Variants in IP6K1 observed in about 807,000 individuals in gnomAD.
The protein encoded by IP6K1 is inositol hexakisphosphate kinase 1.
A neutral mutation model predicts 38.3 loss-of-function variants in IP6K1; 13 were observed. The ratio of observed to expected loss-of-function variants is 0.34; its 90% CI spans 0.22 to 0.54. The LOEUF (loss-of-function observed/expected upper bound fraction) is 0.54, where lower values mean the gene tolerates loss of function less well. IP6K1 is among the 20% of genes least tolerant of loss of function. IP6K1 has a pLI of 0.92. For synonymous variants in IP6K1, 212 were observed against 229.9 expected (o/e 0.92, Z 0.70); for missense variants, 397 against 599.8 (o/e 0.66, Z 3.53).
intron 1 of IP6K1, among the ~76,000 whole-genome samples, chr3:49,778,282 G>A (rs868082977): frequency 1.1e-4 from 16 of 149,620 alleles, no homozygotes; most frequent in South Asian, 2.1e-4. Flanking sequence ...CTGAGATCGC[G>A]CCACTGCACT....
rs962894457 is a variant in IP6K1, at chr3:49,726,235, C to T, written c.*887G>A. 6.5e-6 allele frequency: 1 copy of T among 152,898 alleles called. No homozygotes were observed. The highest frequency in any genetic ancestry group is 2.4e-5 in the African/African-American group (1 of 41,482). 9.5% of individuals were successfully genotyped at this position (152,898 alleles called of 1,614,324 possible). ...AATGAGACCCTGAGCGGACCACAGCCCTTGAGCCCTGGGAGGAGCAGCCCA... is the reference window on the plus strand; with the variant it reads ...AATGAGACCCTGAGCGGACCACAGCTCTTGAGCCCTGGGAGGAGCAGCCCA... On this transcript the variant is annotated 3_prime_UTR_variant, in exon 6 of 6. Coordinates refer to ENST00000321599, the MANE Select transcript of IP6K1 (RefSeq NM_153273.4).
chr3:49,753,287 T>G (rs2108242500), intron 1 of IP6K1, among the ~76,000 whole-genome samples: 1 of 152,140 alleles, frequency 6.6e-6, no homozygotes, highest in South Asian at 2.1e-4. Flanking sequence ...TAAACATTCT[T>G]CCCCCAGATA....
chr3:49,773,590 G>A (rs2080978436), intron 1 of IP6K1, among the ~76,000 whole-genome samples: 2 of 152,200 alleles, frequency 1.3e-5, no homozygotes, highest in Non-Finnish European at 2.9e-5. Flanking sequence ...CTGCACTCCA[G>A]CCTGGGCAAC....
rs1491091186 is a variant in IP6K1, at chr3:49,752,524, CAT to C, written c.-128-4358_-128-4357del. ...AACCCAAGGAACCATTTCACTTTTG[CAT>C]GTGTGTGTGTGTGTGTGTGAGTTTC... On this transcript the variant is annotated intron_variant, in intron 1 of 5. Coordinates refer to ENST00000321599, the MANE Select transcript of IP6K1 (RefSeq NM_153273.4). Among the ~76,000 whole-genome samples the C allele has an allele frequency of 2.6e-4, 38 of 147,992 alleles. 1 individual carries two copies. The highest frequency in any genetic ancestry group is 4.6e-4 in the Non-Finnish European group (31 of 67,592).
In IP6K1 at chr3:49,738,277, G is replaced by A; in HGVS notation, c.369C>T (p.His123=). The change falls in exon 3 of 6, where the codon CAC becomes CAT. Residue 123 remains histidine, a synonymous_variant. Transcript: ENST00000321599. ...PRRKHSRRSL[H]RSGSGSDHKE... ...TGTGGTCACTGCCACTGCCTGACCG[G>A]TGCAGGCTCCGGCGGGAGTGTTTGC... 6.2e-7 allele frequency: 1 copy of A among 1,614,242 alleles called. No individual in the cohort carries two copies. The highest frequency in any genetic ancestry group is 8.5e-7 in the Non-Finnish European group (1 of 1,180,040).
At chr3:49,757,921 T>C (rs751920915) in intron 1 of IP6K1, among the ~76,000 whole-genome samples, 1 of 152,086 alleles carries the variant, frequency 6.6e-6, no homozygotes, top group Non-Finnish European at 1.5e-5. Flanking sequence ...GGCAATAAAA[T>C]TTCATACATC....
chr3:49,783,540 G>A (rs538801612), intron 1 of IP6K1, among the ~76,000 whole-genome samples: 32 of 151,818 alleles, frequency 2.1e-4, no homozygotes, highest in Middle Eastern at 3.4e-3. Flanking sequence ...GTGAAACCCC[G>A]TCTCTCCTAA....
At chr3:49,756,374 T>C (rs1281744312) in intron 1 of IP6K1, among the ~76,000 whole-genome samples, 1 of 152,220 alleles carries the variant, frequency 6.6e-6, no homozygotes, top group Non-Finnish European at 1.5e-5. Flanking sequence ...ATTAGAAATA[T>C]GTGCTTCCCT....
chr3:49,783,620 G>C (rs1174657479), intron 1 of IP6K1, among the ~76,000 whole-genome samples: 1 of 151,652 alleles, frequency 6.6e-6, no homozygotes, highest in South Asian at 2.1e-4. Flanking sequence ...AGCTGAGGCA[G>C]GAGAATGGCG....
intron 1 of IP6K1, among the ~76,000 whole-genome samples, chr3:49,755,045 T>C (rs936046428): frequency 6.7e-6 from 1 of 149,972 alleles, no homozygotes; most frequent in East Asian, 2.0e-4. Context: ...TCCTCCCATA[T>C]CATCAGCCTT....
chr3:49,773,162 G>A (rs1050281705), intron 1 of IP6K1, among the ~76,000 whole-genome samples: 47 of 152,272 alleles, frequency 3.1e-4, no homozygotes, highest in Admixed American at 2.5e-3. Flanking sequence ...TTCTACCAAT[G>A]AAAAGTAATA....
chr3:49,771,719 T>C (rs1236428543), intron 1 of IP6K1, among the ~76,000 whole-genome samples: 2 of 152,224 alleles, frequency 1.3e-5, no homozygotes, highest in East Asian at 3.8e-4. Flanking sequence ...TGAATGTGTA[T>C]GTCCACACAA....
rs527723899 is a variant in IP6K1 at position 49,737,071 on chromosome 3, C to CTT, written c.434+1139_434+1140dup. ...ACAGGCATGAGCCACCAAGCCTGGC[C>CTT]TTTTTTTTTTTTTTTTTTTTTTAGA... is the stretch of plus-strand genomic sequence containing the variant. On this transcript the variant is annotated intron_variant, in intron 3 of 5. Transcript: ENST00000321599. Among the ~76,000 whole-genome samples the CTT allele has an allele frequency of 4.0e-3, 454 of 113,008 alleles. 5 individuals carry two copies. The highest frequency in any genetic ancestry group is 9.2e-3 in the East Asian group (37 of 4,040). The allele number at this position is 113,008 out of a possible 152,430, so 74.1% of individuals were successfully genotyped here. A position where few individuals can be genotyped will look rare whatever the true frequency, so the allele number is the denominator to read the frequency against.
chr3:49,748,007 A>C lies in IP6K1; in HGVS notation c.34T>G (p.Tyr12Asp). 1 of 1,613,748 alleles carries C rather than the reference A, an allele frequency of 6.2e-7. No homozygotes were observed. The highest frequency in any genetic ancestry group is 8.5e-7 in the Non-Finnish European group (1 of 1,180,042). Residue 12 changes from tyrosine (Y) to aspartate (D), a missense_variant, in exon 2 of 6, where the codon TAT becomes GAT. This residue lies in a region of IP6K1 where 171 missense variants were observed against 237.0 expected (regional missense o/e 0.72). Coordinates refer to ENST00000321599, the MANE Select transcript of IP6K1 (RefSeq NM_153273.4). ...CVCQTMEVGQYGKNASRAGDR... is the reference protein window; with the variant it reads ...CVCQTMEVGQDGKNASRAGDR... ...CCAGCCCGACTTGCATTCTTGCCAT[A>C]CTGCCCCACTTCCATGGTTTGACAA...
rs2080520814 is a variant in IP6K1 at position 49,727,588 on chromosome 3, T to C, written c.860A>G (p.Glu287Gly). 8.1e-6 allele frequency: 13 copies of C among 1,614,054 alleles called. No homozygotes were observed. Among genetic ancestry groups the C allele is most frequent in the Non-Finnish European group, 1.1e-5 (13 of 1,180,030 alleles). ...NKYYGRGLSIEGFRNALYQYL... is the reference protein window; with the variant it reads ...NKYYGRGLSIGGFRNALYQYL... ...TTGATAGAGGGCATTGCGGAAGCCT[T>C]CAATGGAGAGCCCACGGCCATAGTA... Residue 287 changes from glutamate to glycine, a missense_variant, in exon 6 of 6, where the codon GAA becomes GGA. This residue lies in a region of IP6K1 where 164 missense variants were observed against 213.5 expected (regional missense o/e 0.77). Coordinates refer to ENST00000321599, the MANE Select transcript of IP6K1 (RefSeq NM_153273.4). This position sits in a 1 kb window ranked among gnomAD's most constrained non-coding sequence, Gnocchi z 5.9.
chr3:49,734,644 A>G lies in IP6K1; in HGVS notation c.435-1672T>C, dbSNP rs770346199. Among the ~76,000 whole-genome samples, 101 of 152,134 alleles carry G rather than the reference A, an allele frequency of 6.6e-4. No homozygotes were observed. In the Middle Eastern group the frequency reaches 0.017, roughly 26 times the overall value. ...CACCTAACTGAAAGTAGAGGAGCCC[A>G]CCAGTGCCTCTCGGAATGATAAAAC... On this transcript the variant is annotated intron_variant, in intron 3 of 5. Transcript: ENST00000321599.
At chr3:49,753,291 C>G (rs2080794981) in intron 1 of IP6K1, among the ~76,000 whole-genome samples, 1 of 152,140 alleles carries the variant, frequency 6.6e-6, no homozygotes, top group South Asian at 2.1e-4. Flanking sequence ...CATTCTTCCC[C>G]CAGATAACCA....
chr3:49,778,773 G>A (rs530406909), intron 1 of IP6K1, among the ~76,000 whole-genome samples: 1 of 152,044 alleles, frequency 6.6e-6, no homozygotes, highest in South Asian at 2.1e-4. Flanking sequence ...TTACAGTCAC[G>A]CACCACCACG....
chr3:49,762,861 T>A (rs2080878896), intron 1 of IP6K1, among the ~76,000 whole-genome samples: 1 of 151,844 alleles, frequency 6.6e-6, no homozygotes, highest in African/African-American at 2.4e-5. Flanking sequence ...AACCTCTGTC[T>A]CCCAGGTTCA....
Sources: gnomAD v4.1 joint callset for allele counts (sites outside exome capture counted in the v4.1 genomes callset) on GRCh38, gnomAD v4.1.1 for gene constraint, gnomAD v4.1.1 regional missense constraint, Gnocchi (gnomAD v3.1) non-coding constraint, MANE v1.5 for transcripts, NCBI Gene and HGNC (gene_info 2026-07-23, HGNC 2026-07-21) for gene names.